Variants in GPC6 observed in about 807,000 individuals in gnomAD.
GPC6 encodes glypican 6, also known as glypican-6.
Under a neutral mutation model 55.2 loss-of-function variants are expected in GPC6, and 14 were observed. The ratio of observed to expected loss-of-function variants is 0.25; its 90% CI spans 0.17 to 0.40. GPC6 has a LOEUF of 0.40. GPC6 is among the 10% of genes least tolerant of loss of function. The probability of loss-of-function intolerance (pLI) is 1.00; values close to 1 mark genes in which losing one functional copy is unlikely to be tolerated. For synonymous variants in GPC6, 278 were observed against 259.6 expected (o/e 1.07, Z -0.68); for missense variants, 641 against 708.5 (o/e 0.90, Z 1.08).
intron 3 of GPC6, among the ~76,000 whole-genome samples, chr13:93,973,590 C>T (rs11839749): frequency 0.011 from 1,668 of 152,104 alleles, 26 homozygotes; most frequent in Middle Eastern, 0.041. Flanking sequence ...GGTGAGACAA[C>T]AAAGCATAGC....
At chr13:94,306,564 G>A (rs1458276600) in intron 6 of GPC6, among the ~76,000 whole-genome samples, 1 of 151,996 alleles carries the variant, frequency 6.6e-6, no homozygotes, top group African/African-American at 2.4e-5. Flanking sequence ...ACCTTGCCCG[G>A]AAACCCCAAA....
intron 4 of GPC6, among the ~76,000 whole-genome samples, chr13:94,031,164 T>C (rs1486728562): frequency 6.6e-6 from 1 of 152,020 alleles, no homozygotes. Flanking sequence ...TTAGGATGCA[T>C]TTTCAAAGTC....
At chr13:94,040,500 CCT>C (rs1257980682) in intron 4 of GPC6, among the ~76,000 whole-genome samples, 2 of 151,738 alleles carry the variant, frequency 1.3e-5, no homozygotes, top group African/African-American at 4.8e-5. Flanking sequence ...CCCAAGCCTC[CCT>C]AGTGACTTGT....
At chr13:93,654,927 C>A (rs1011736873) in intron 2 of GPC6, among the ~76,000 whole-genome samples, 1 of 150,896 alleles carries the variant, frequency 6.6e-6, no homozygotes, top group Non-Finnish European at 1.5e-5. Context: ...AGCTCCGCCT[C>A]CCGGGTTCAC....
At position 93,227,601 on chromosome 13, in the gene GPC6, T is replaced by G. The variant is rs767116076; in HGVS notation, c.145T>G (p.Tyr49Asp). The G allele has an allele frequency of 1.2e-6, 2 of 1,606,302 alleles. No individual in the cohort carries two copies. Among genetic ancestry groups the G allele is most frequent in the Non-Finnish European group, 1.7e-6 (2 of 1,177,750 alleles). The part of the protein sequence containing the change: ...AKGFSLADIP[Y>D]QEIAGEHLRI... ...GGGATTCAGCCTGGCGGACATCCCC[T>G]ACCAGGAGATCGCAGGTAAGCGCGG... The change falls in exon 1 of 9, where the codon TAC becomes GAC. Residue 49 changes from tyrosine to aspartate, a missense_variant. By Grantham distance (160) the Tyr-to-Asp change is radical. Transcript: ENST00000377047. The surrounding 1 kb of genome is among the most constrained non-coding windows in gnomAD (Gnocchi z 4.3).
chr13:93,474,334 C>T (rs1441377766), intron 1 of GPC6, among the ~76,000 whole-genome samples: 5 of 152,094 alleles, frequency 3.3e-5, no homozygotes, highest in Non-Finnish European at 7.4e-5. Flanking sequence ...TGAATAGGAT[C>T]AAGTCTACAT....
At chr13:93,463,101 G>C (rs1274276504) in intron 1 of GPC6, among the ~76,000 whole-genome samples, 1 of 152,156 alleles carries the variant, frequency 6.6e-6, no homozygotes. Flanking sequence ...ACCACAACCT[G>C]AATATTATGT....
chr13:93,418,831 A>T (rs1876810967), intron 1 of GPC6, among the ~76,000 whole-genome samples: 1 of 149,726 alleles, frequency 6.7e-6, no homozygotes, highest in African/African-American at 2.5e-5. Flanking sequence ...TCACTTTATT[A>T]ATGGCACTAT....
At chr13:93,981,162 T>C (rs1170122256) in intron 3 of GPC6, among the ~76,000 whole-genome samples, 2 of 152,194 alleles carry the variant, frequency 1.3e-5, no homozygotes, top group Non-Finnish European at 2.9e-5. Flanking sequence ...GGACTCCTTA[T>C]TATCGTTGAT....
intron 4 of GPC6, among the ~76,000 whole-genome samples, chr13:94,183,827 G>A (rs1433617167): frequency 6.6e-6 from 1 of 152,172 alleles, no homozygotes; most frequent in African/African-American, 2.4e-5. Context: ...TATGTCTAGT[G>A]TCTTAGTTGG....
intron 2 of GPC6, among the ~76,000 whole-genome samples, chr13:93,796,104 G>C (rs1886190035): frequency 6.6e-6 from 1 of 151,942 alleles, no homozygotes; most frequent in Non-Finnish European, 1.5e-5. Context: ...GCTGAGGTGG[G>C]AGGATCACTT....
intron 7 of GPC6, among the ~76,000 whole-genome samples, chr13:94,387,199 C>T (rs1880448212): frequency 2.6e-5 from 4 of 152,042 alleles, no homozygotes; most frequent in Non-Finnish European, 5.9e-5. Flanking sequence ...CACTTTCATC[C>T]CCCTGCTCCC....
At chr13:93,690,148 G>C (rs1198295996) in intron 2 of GPC6, among the ~76,000 whole-genome samples, 1 of 152,124 alleles carries the variant, frequency 6.6e-6, no homozygotes, top group African/African-American at 2.4e-5. Flanking sequence ...ATTCACTAGA[G>C]TAAGAATAGG....
At chr13:94,352,324 G>A (rs146229432) in intron 6 of GPC6, among the ~76,000 whole-genome samples, 67 of 151,544 alleles carry the variant, frequency 4.4e-4, no homozygotes, top group Non-Finnish European at 9.7e-4. Flanking sequence ...TCATGGGGCT[G>A]CATGTCTTCT....
chr13:93,583,690 A>G (rs1877055832), intron 2 of GPC6, among the ~76,000 whole-genome samples: 1 of 152,230 alleles, frequency 6.6e-6, no homozygotes, highest in Admixed American at 6.5e-5. Flanking sequence ...TGCTGGGATT[A>G]CATGCGTGAA....
At chr13:94,118,309 C>T (rs972573146) in intron 4 of GPC6, among the ~76,000 whole-genome samples, 12 of 152,068 alleles carry the variant, frequency 7.9e-5, no homozygotes, top group Non-Finnish European at 1.6e-4. Context: ...TGGCAGTTCT[C>T]TCTCCTGCTG....
At chr13:94,352,613 C>A (rs907168205) in intron 6 of GPC6, among the ~76,000 whole-genome samples, 2 of 152,206 alleles carry the variant, frequency 1.3e-5, no homozygotes, top group Admixed American at 6.5e-5. Flanking sequence ...CCCCATACTT[C>A]AGTCCTTCAG....
chr13:94,116,412 G>A (rs1157848303), intron 4 of GPC6, among the ~76,000 whole-genome samples: 1 of 152,046 alleles, frequency 6.6e-6, no homozygotes, highest in Non-Finnish European at 1.5e-5. Flanking sequence ...TGCACAAAGG[G>A]TTGGAAGGGG....
intron 1 of GPC6, among the ~76,000 whole-genome samples, chr13:93,317,472 G>A (rs2139117853): frequency 6.6e-6 from 1 of 152,196 alleles, no homozygotes; most frequent in Non-Finnish European, 1.5e-5. Context: ...TGAATTCACT[G>A]TATGCTTGTG....
Sources: gnomAD v4.1 joint callset for allele counts (sites outside exome capture counted in the v4.1 genomes callset) on GRCh38, gnomAD v4.1.1 for gene constraint, Gnocchi (gnomAD v3.1) non-coding constraint, MANE v1.5 for transcripts, NCBI Gene and HGNC (gene_info 2026-07-23, HGNC 2026-07-21) for gene names.